The following AK8 variants were observed in gnomAD, a reference collection of about 807,000 sequenced individuals.
AK8 encodes the protein adenylate kinase 8.
AK8 carries 44 observed loss-of-function variants against 54.6 expected under a neutral mutation model. That is an observed-to-expected ratio of 0.81 (90% CI 0.63 to 1.04). The LOEUF (loss-of-function observed/expected upper bound fraction) is 1.04, where lower values mean the gene tolerates loss of function less well. Ranked by LOEUF, AK8 falls within the 50% of genes least tolerant of loss-of-function variation. The probability of loss-of-function intolerance (pLI) is 0.00; values close to 1 mark genes in which losing one functional copy is unlikely to be tolerated. For missense variants in AK8, 555 were observed against 613.6 expected, an observed-to-expected ratio of 0.90 and a Z score of 1.01; for synonymous variants, 239 against 245.6, an observed-to-expected ratio of 0.97 and a Z score of 0.25.
chr9:132,780,258 T>C (rs1839405413), intron 11 of AK8, among the ~76,000 whole-genome samples: 1 of 152,172 alleles, frequency 6.6e-6, no homozygotes, highest in Non-Finnish European at 1.5e-5. Context: ...TGCAAAGCCA[T>C]GGCAGTTTTG....
intron 1 of AK8, chr9:132,877,784 G>T: frequency 2.1e-6 from 1 of 481,782 alleles, no homozygotes; most frequent in Non-Finnish European, 4.1e-6. Context: ...CCACAAATTC[G>T]ACAGATGGTA....
intron 9 of AK8, 134 bp from the exon 10 acceptor site, chr9:132,814,861 G>T: frequency 1.5e-6 from 1 of 653,070 alleles, no homozygotes; most frequent in Non-Finnish European, 2.6e-6. Flanking sequence ...GGGTTTTTCT[G>T]TGTGTGGGTA....
At chr9:132,750,748 C>A (rs1404640977) in intron 11 of AK8, among the ~76,000 whole-genome samples, 1 of 151,958 alleles carries the variant, frequency 6.6e-6, no homozygotes, top group Non-Finnish European at 1.5e-5. Flanking sequence ...CCCTCCCCTC[C>A]CAAATCTGCA....
chr9:132,743,400 T>A (rs1164687177), intron 11 of AK8, among the ~76,000 whole-genome samples: 2 of 152,246 alleles, frequency 1.3e-5, no homozygotes, highest in African/African-American at 4.8e-5. Flanking sequence ...TGAGGTTTCC[T>A]TTCTCAGAGT....
At chr9:132,863,591 T>C (rs1843474483) in intron 4 of AK8, 74 bp downstream of exon 4, 1 of 1,001,864 alleles carries the variant, frequency 1.0e-6, no homozygotes. Flanking sequence ...AACCAAGCAA[T>C]GGTCAGGTGG....
In AK8 at chr9:132,753,733, C is replaced by T. The variant is rs116450748; in HGVS notation, c.1122-26199G>A. ...GGAGAGCATGAAGCCCCTCCATGTT[C>T]TCTAGGGAAGGAGACAAGTGGGCAG... On this transcript the variant is annotated intron_variant, in intron 11 of 12. Transcript: ENST00000298545. Among the ~76,000 whole-genome samples the T allele has an allele frequency of 3.4e-3, 517 of 152,360 alleles. 1 individual carries two copies. The highest frequency in any genetic ancestry group is 0.012 in the African/African-American group (500 of 41,588).
Position 132,754,799 on chromosome 9 carries a change from G to GT in AK8, c.1122-27266_1122-27265insA, listed in dbSNP as rs202163458. ...ACATTACCACTGATTTTTGTTTTTT[G>GT]GTTTTTTTTTTTTTTTTGAGACAGA... On this transcript the variant is annotated intron_variant, in intron 11 of 12. Coordinates refer to ENST00000298545, the MANE Select transcript of AK8 (RefSeq NM_152572.3). Among the ~76,000 whole-genome samples the GT allele has an allele frequency of 7.6e-3, 1,100 of 144,020 alleles. 19 individuals carry two copies. The highest frequency in any genetic ancestry group is 0.026 in the African/African-American group (978 of 38,290). The allele number at this position is 144,020 out of a possible 152,430, so 94.5% of individuals were successfully genotyped here.
Position 132,873,864 on chromosome 9 carries a change from A to C in AK8, c.169+1251T>G, listed in dbSNP as rs1843966923. On this transcript the variant is annotated intron_variant, in intron 2 of 12. Coordinates refer to ENST00000298545, the MANE Select transcript of AK8 (RefSeq NM_152572.3). Reference sequence around the variant, plus strand: ...TAGGCTTAACATCCACCCTAAGAGCAGGTGATGAATCTGGGGAGACAAAAC... The same window carrying C: ...TAGGCTTAACATCCACCCTAAGAGCCGGTGATGAATCTGGGGAGACAAAAC... Among the ~76,000 whole-genome samples the C allele has an allele frequency of 2.0e-5, 3 of 152,284 alleles. No homozygotes were observed. In the South Asian group the frequency reaches 6.2e-4, roughly 32 times the overall value.
chr9:132,800,864 T>C (rs564489898), intron 10 of AK8, among the ~76,000 whole-genome samples: 3 of 151,842 alleles, frequency 2.0e-5, no homozygotes, highest in Non-Finnish European at 4.4e-5. Context: ...CCACACGGCA[T>C]TGACACAGCT....
chr9:132,849,429 G>A lies in AK8; in HGVS notation c.402+5428C>T, dbSNP rs534899760. Reference sequence around the variant, plus strand: ...TGTATTACATCAGAGCTGAGTCGTTGTGACAGAAGCCATATAGCCTGCAAA... The same window carrying A: ...TGTATTACATCAGAGCTGAGTCGTTATGACAGAAGCCATATAGCCTGCAAA... On this transcript the variant is annotated intron_variant, in intron 5 of 12. Transcript: ENST00000298545. 2.6e-5 allele frequency among the ~76,000 whole-genome samples: 4 copies of A among 152,236 alleles called. No individual in the cohort carries two copies. In the South Asian group the frequency reaches 6.2e-4, roughly 24 times the overall value.
intron 11 of AK8, among the ~76,000 whole-genome samples, chr9:132,747,612 G>T (rs961116514): frequency 6.7e-6 from 1 of 149,136 alleles, no homozygotes; most frequent in Non-Finnish European, 1.5e-5. Context: ...TTTGTATTTT[G>T]TAGAGAGGGG....
intron 11 of AK8, among the ~76,000 whole-genome samples, chr9:132,754,177 A>G (rs1838080157): frequency 6.6e-6 from 1 of 152,218 alleles, no homozygotes; most frequent in African/African-American, 2.4e-5. Context: ...AGACGGCACA[A>G]CACGCAAGGT....
rs572916800 is a variant in AK8, at chr9:132,738,172, G to T, written c.1122-10638C>A. 6.6e-5 allele frequency among the ~76,000 whole-genome samples: 10 copies of T among 152,118 alleles called. No homozygotes were observed. In the South Asian group the frequency reaches 2.1e-3, roughly 32 times the overall value. On this transcript the variant is annotated intron_variant, in intron 11 of 12. Transcript: ENST00000298545. ...GGGTTCAAGTGATTCTCCTGCCTCA[G>T]CCTCCCGAGTAGCTGTGACTACAGG...
At chr9:132,757,133 T>C (rs1306557091) in intron 11 of AK8, among the ~76,000 whole-genome samples, 1 of 151,826 alleles carries the variant, frequency 6.6e-6, no homozygotes, top group Non-Finnish European at 1.5e-5. Flanking sequence ...GACAACGGAA[T>C]GCGTGTGTCC....
At chr9:132,788,794 C>T (rs1223613120) in intron 11 of AK8, among the ~76,000 whole-genome samples, 1 of 152,176 alleles carries the variant, frequency 6.6e-6, no homozygotes, top group African/African-American at 2.4e-5. Flanking sequence ...TTTAAAAACT[C>T]TCTCAGATAT....
chr9:132,828,650 T>C lies in AK8; in HGVS notation c.479A>G (p.His160Arg). ...GACCCTTGGGAGCTACTCACTGACG[T>C]GTCTGGGTGTGATCCCCAGGGTCTG... Reference protein sequence around the residue: ...RIQTLGITPRHVIVLSAPDTV... With the variant: ...RIQTLGITPRRVIVLSAPDTV... The change falls in exon 6 of 13, where the codon CAC becomes CGC. Residue 160 changes from histidine to arginine, a missense_variant. Transcript: ENST00000298545. 6.2e-7 allele frequency: 1 copy of C among 1,611,402 alleles called. No homozygotes were observed.
At chr9:132,797,049 T>C (rs1840206118) in intron 10 of AK8, among the ~76,000 whole-genome samples, 1 of 152,186 alleles carries the variant, frequency 6.6e-6, no homozygotes, top group Admixed American at 6.5e-5. Flanking sequence ...GTTCCCACTT[T>C]GAGCCAAAAC....
In AK8 at chr9:132,761,264, C is replaced by CT. The variant is rs1271795125; in HGVS notation, c.1121+31369dup. On this transcript the variant is annotated intron_variant, in intron 11 of 12. Coordinates refer to ENST00000298545, the MANE Select transcript of AK8 (RefSeq NM_152572.3). Reference sequence around the variant, plus strand: ...TTCTATTTCTTTTTTCTTTTCTTTTCTTTTCTTTTTTTTTTTTTTTGAGAC... The same window carrying CT: ...TTCTATTTCTTTTTTCTTTTCTTTTCTTTTTCTTTTTTTTTTTTTTTGAGAC... 1.8e-3 allele frequency among the ~76,000 whole-genome samples: 183 copies of CT among 100,058 alleles called. 6 individuals are homozygous for CT. Among genetic ancestry groups the CT allele is most frequent in the African/African-American group, 9.4e-3 (179 of 19,050 alleles). 65.6% of individuals were successfully genotyped at this position (100,058 alleles called of 152,430 possible). A position where few individuals can be genotyped will look rare whatever the true frequency, so the allele number is the denominator to read the frequency against.
intron 4 of AK8, among the ~76,000 whole-genome samples, chr9:132,858,845 T>C (rs911422851): frequency 2.6e-5 from 4 of 152,034 alleles, no homozygotes; most frequent in Non-Finnish European, 5.9e-5. Flanking sequence ...GCAGACCTCA[T>C]AGCGTGGCAC....
Sources: allele counts gnomAD v4.1 joint callset (sites outside exome capture counted in the v4.1 genomes callset), GRCh38; gene constraint gnomAD v4.1.1; transcripts MANE v1.5; gene names NCBI Gene and HGNC (gene_info 2026-07-23, HGNC 2026-07-21).